Variants in TSHZ2 observed in about 807,000 individuals in gnomAD.
TSHZ2 encodes the protein teashirt homolog 2.
In TSHZ2, 21 loss-of-function variants were observed where a neutral mutation model predicts 74.4. The observed-to-expected ratio is 0.28, with a 90% confidence interval of 0.20 to 0.41. TSHZ2 has a LOEUF of 0.41. Among genes scored for constraint, TSHZ2 ranks in the 10% least tolerant of loss-of-function variants. The pLI is 1.00. For synonymous variants in TSHZ2, 540 were observed against 515.3 expected (o/e 1.05, Z -0.65); for missense variants, 1,244 against 1,293.5 (o/e 0.96, Z 0.59).
intron 1 of TSHZ2, among the ~76,000 whole-genome samples, chr20:52,992,084 T>C (rs191163005): frequency 1.9e-4 from 29 of 152,296 alleles, no homozygotes; most frequent in African/African-American, 7.0e-4. Context: ...ATGGGAAATG[T>C]ATAAGAGACA....
intron 1 of TSHZ2, among the ~76,000 whole-genome samples, chr20:52,995,787 ATT>A (rs11474850): frequency 9.5e-4 from 136 of 142,512 alleles, no homozygotes; most frequent in South Asian, 5.0e-3. Context: ...TAATTTTTGT[ATT>A]TTTTTTTTTT....
intron 2 of TSHZ2, among the ~76,000 whole-genome samples, chr20:53,365,816 C>G (rs1981237732): frequency 6.6e-6 from 1 of 151,496 alleles, no homozygotes; most frequent in African/African-American, 2.5e-5. Context: ...TCAAGGACCT[C>G]CTGGGAATCC....
chr20:53,334,523 G>A (rs1157155072), intron 2 of TSHZ2, among the ~76,000 whole-genome samples: 1 of 152,150 alleles, frequency 6.6e-6, no homozygotes, highest in African/African-American at 2.4e-5. Context: ...CGGTCAAAGA[G>A]AAAATGTGGG....
intron 1 of TSHZ2, among the ~76,000 whole-genome samples, chr20:53,127,936 T>C (rs756201927): frequency 2.0e-5 from 3 of 152,190 alleles, no homozygotes; most frequent in East Asian, 1.9e-4. Flanking sequence ...TTCCTGTTCA[T>C]GCTAATGAGG....
intron 2 of TSHZ2, among the ~76,000 whole-genome samples, chr20:53,360,700 G>A (rs1249839139): frequency 1.3e-5 from 2 of 152,130 alleles, no homozygotes; most frequent in Admixed American, 1.3e-4. Flanking sequence ...CAAAAATGTA[G>A]CATTATCCCC....
At chr20:53,463,382 G>A (rs1452659456) in intron 2 of TSHZ2, among the ~76,000 whole-genome samples, 1 of 40,550 alleles carries the variant, frequency 2.5e-5, no homozygotes, top group Non-Finnish European at 5.2e-5. Context: ...GAGAGAGAGA[G>A]GAAGGAAGGA....
intron 2 of TSHZ2, among the ~76,000 whole-genome samples, chr20:53,334,062 A>G (rs1979840490): frequency 6.6e-6 from 1 of 152,226 alleles, no homozygotes; most frequent in South Asian, 2.1e-4. Context: ...ACATCTGTTC[A>G]TCCTGGGCCC....
intron 1 of TSHZ2, among the ~76,000 whole-genome samples, chr20:52,984,506 CG>C (rs1051507155): frequency 1.8e-4 from 27 of 152,220 alleles, no homozygotes; most frequent in African/African-American, 6.5e-4. Context: ...GCTGAAAATC[CG>C]GGGCTAGAGC....
At chr20:53,282,231 A>C (rs1234101154) in intron 2 of TSHZ2, among the ~76,000 whole-genome samples, 3 of 152,244 alleles carry the variant, frequency 2.0e-5, no homozygotes, top group Non-Finnish European at 2.9e-5. Context: ...TTTGTCCAAA[A>C]AAAGGATCAA....
At chr20:52,983,865 T>C (rs1981657161) in intron 1 of TSHZ2, among the ~76,000 whole-genome samples, 1 of 152,130 alleles carries the variant, frequency 6.6e-6, no homozygotes, top group Non-Finnish European at 1.5e-5. Context: ...GCTCTCCAAG[T>C]GGTGCTCCGA....
intron 2 of TSHZ2, among the ~76,000 whole-genome samples, chr20:53,466,732 C>T (rs1284650803): frequency 6.6e-6 from 1 of 152,170 alleles, no homozygotes; most frequent in Non-Finnish European, 1.5e-5. Flanking sequence ...AACACTGAAG[C>T]CACCAGGGAC....
At chr20:53,409,196 G>A (rs543609167) in intron 2 of TSHZ2, among the ~76,000 whole-genome samples, 1 of 151,966 alleles carries the variant, frequency 6.6e-6, no homozygotes, top group Non-Finnish European at 1.5e-5. Flanking sequence ...ATTACAAAAG[G>A]CCCAACAAAT....
intron 1 of TSHZ2, among the ~76,000 whole-genome samples, chr20:53,163,613 G>A (rs1038553979): frequency 6.6e-6 from 1 of 151,980 alleles, no homozygotes; most frequent in Non-Finnish European, 1.5e-5. Flanking sequence ...CACTCACGCT[G>A]GGGGACAGCC....
At chr20:53,097,512 CT>C (rs968377526) in intron 1 of TSHZ2, 2 of 152,332 alleles carry the variant, frequency 1.3e-5, no homozygotes, top group Middle Eastern at 3.4e-3. Context: ...CAGTTTCAAT[CT>C]GGCCCAGGGG....
At chr20:53,060,203 T>G (rs1348833211) in intron 1 of TSHZ2, among the ~76,000 whole-genome samples, 3 of 152,138 alleles carry the variant, frequency 2.0e-5, no homozygotes, top group Admixed American at 2.0e-4. Context: ...GAAGTCAAAA[T>G]TTTTCAGATC....
At chr20:53,230,115 G>A (rs1989788802) in intron 1 of TSHZ2, among the ~76,000 whole-genome samples, 1 of 152,058 alleles carries the variant, frequency 6.6e-6, no homozygotes, top group Non-Finnish European at 1.5e-5. Context: ...CCTCCCACCT[G>A]TTCTAGTATG....
chr20:53,213,573 CAGAG>C (rs900106806), intron 1 of TSHZ2, among the ~76,000 whole-genome samples: 28 of 151,738 alleles, frequency 1.8e-4, no homozygotes, highest in Middle Eastern at 3.4e-3. Flanking sequence ...ACACGAGAGA[CAGAG>C]AGAGAGAAAG....
At chr20:53,107,308 G>A (rs1340626280) in intron 1 of TSHZ2, among the ~76,000 whole-genome samples, 1 of 152,180 alleles carries the variant, frequency 6.6e-6, no homozygotes, top group Admixed American at 6.5e-5. Context: ...TGATTGGCAA[G>A]TTACTGCAAC....
intron 2 of TSHZ2, among the ~76,000 whole-genome samples, chr20:53,375,053 C>T (rs1325305776): frequency 6.6e-6 from 1 of 151,908 alleles, no homozygotes; most frequent in Admixed American, 6.6e-5. Context: ...TACATATACA[C>T]ATGTGTACAT....
Sources: allele counts gnomAD v4.1 joint callset (sites outside exome capture counted in the v4.1 genomes callset), GRCh38; gene constraint gnomAD v4.1.1; transcripts MANE v1.5; gene names NCBI Gene and HGNC (gene_info 2026-07-23, HGNC 2026-07-21).